Variants in CDK14 observed in about 807,000 individuals in gnomAD.
CDK14 encodes the protein cyclin-dependent kinase 14.
CDK14 carries 34 observed loss-of-function variants against 60.7 expected under a neutral mutation model. That is an observed-to-expected ratio of 0.56 (90% CI 0.43 to 0.75). CDK14 has a LOEUF of 0.75. CDK14 is among the 30% of genes least tolerant of loss of function. The probability of loss-of-function intolerance (pLI) is 0.00; values close to 1 mark genes in which losing one functional copy is unlikely to be tolerated. For synonymous variants in CDK14, 197 were observed against 203.7 expected (o/e 0.97, Z 0.28); for missense variants, 482 against 564.1 (o/e 0.85, Z 1.47).
intron 3 of CDK14, among the ~76,000 whole-genome samples, chr7:90,737,347 C>T (rs1161879349): frequency 1.3e-5 from 2 of 152,246 alleles, no homozygotes; most frequent in Non-Finnish European, 2.9e-5. Flanking sequence ...AAATTTACCT[C>T]TTTTCATCAC....
At chr7:90,778,463 C>G (rs147230341) in intron 4 of CDK14, among the ~76,000 whole-genome samples, 36 of 152,344 alleles carry the variant, frequency 2.4e-4, no homozygotes, top group African/African-American at 8.4e-4. Flanking sequence ...TCTGACTGCC[C>G]TTCCGGCTCC....
intron 8 of CDK14, among the ~76,000 whole-genome samples, chr7:90,933,279 CA>C (rs565640721): frequency 0.064 from 5,637 of 88,418 alleles, 102 homozygotes; most frequent in South Asian, 0.15. Flanking sequence ...AACCCTGTCT[CA>C]AAAAAAAAAA....
intron 3 of CDK14, among the ~76,000 whole-genome samples, chr7:90,736,570 A>G (rs1414540655): frequency 6.6e-6 from 1 of 151,930 alleles, no homozygotes; most frequent in Admixed American, 6.6e-5. Flanking sequence ...GGATGTAACA[A>G]TGACTGATAA....
At chr7:90,605,958 A>G (rs1423404782) in intron 2 of CDK14, among the ~76,000 whole-genome samples, 1 of 151,888 alleles carries the variant, frequency 6.6e-6, no homozygotes, top group African/African-American at 2.4e-5. Context: ...ACCTGTAACT[A>G]CTCCCTCTCT....
chr7:91,033,665 C>G (rs1281627170), intron 10 of CDK14, among the ~76,000 whole-genome samples: 1 of 152,142 alleles, frequency 6.6e-6, no homozygotes, highest in Non-Finnish European at 1.5e-5. Context: ...CTGTTTTTCC[C>G]TATTTTGAGG....
chr7:90,626,794 C>T (rs994923069), intron 2 of CDK14, among the ~76,000 whole-genome samples: 34 of 151,780 alleles, frequency 2.2e-4, no homozygotes, highest in African/African-American at 8.2e-4. Flanking sequence ...TAAAATTAGC[C>T]AGGTGTGATG....
At chr7:90,908,649 A>G (rs1348523779) in intron 7 of CDK14, among the ~76,000 whole-genome samples, 2 of 152,106 alleles carry the variant, frequency 1.3e-5, no homozygotes, top group Admixed American at 1.3e-4. Flanking sequence ...AGAGGGAAAT[A>G]AGTTCAAGTA....
chr7:90,712,553 T>G (rs993665210), intron 2 of CDK14, among the ~76,000 whole-genome samples: 44 of 152,198 alleles, frequency 2.9e-4, no homozygotes, highest in African/African-American at 9.9e-4. Context: ...TGAATCAAGT[T>G]CCTATATGGA....
At chr7:90,910,358 T>C (rs1172697843) in intron 7 of CDK14, among the ~76,000 whole-genome samples, 2 of 152,200 alleles carry the variant, frequency 1.3e-5, no homozygotes, top group Non-Finnish European at 2.9e-5. Context: ...CTTTTAAAAA[T>C]TGAAGACCTA....
intron 8 of CDK14, among the ~76,000 whole-genome samples, chr7:90,928,236 C>G (rs2117459280): frequency 6.6e-6 from 1 of 152,334 alleles, no homozygotes; most frequent in South Asian, 2.1e-4. Context: ...CAAAGTCATT[C>G]TCCGTCCAGC....
intron 11 of CDK14, among the ~76,000 whole-genome samples, chr7:91,064,753 C>T (rs868819558): frequency 2.0e-5 from 3 of 152,166 alleles, no homozygotes; most frequent in Non-Finnish European, 2.9e-5. Context: ...GCTCTATCTT[C>T]CCCTTTAGAG....
chr7:90,945,129 A>G (rs900047057), intron 8 of CDK14, among the ~76,000 whole-genome samples: 3 of 152,230 alleles, frequency 2.0e-5, no homozygotes, highest in African/African-American at 7.2e-5. Context: ...ATGTTCTTTT[A>G]TTCCTTGGAA....
chr7:90,985,407 C>T (rs942491602), intron 10 of CDK14, among the ~76,000 whole-genome samples: 4 of 152,190 alleles, frequency 2.6e-5, no homozygotes, highest in Non-Finnish European at 4.4e-5. Context: ...TAGGACTCTG[C>T]TTGGCATATA....
At chr7:90,799,608 T>C (rs1788557979) in intron 5 of CDK14, among the ~76,000 whole-genome samples, 1 of 147,574 alleles carries the variant, frequency 6.8e-6, no homozygotes. Context: ...GAAAATCACT[T>C]GAACCTGGGA....
chr7:90,939,893 C>T (rs940724812), intron 8 of CDK14, among the ~76,000 whole-genome samples: 8 of 152,086 alleles, frequency 5.3e-5, no homozygotes, highest in African/African-American at 1.9e-4. Flanking sequence ...TTGTTCCACC[C>T]AGTCTTTAAC....
chr7:90,723,458 C>T (rs1366970718), intron 2 of CDK14, among the ~76,000 whole-genome samples: 1 of 152,156 alleles, frequency 6.6e-6, no homozygotes, highest in Non-Finnish European at 1.5e-5. Flanking sequence ...CTCCACAGGG[C>T]TGCCTCATGG....
At chr7:91,160,556 G>T (rs142951830) in intron 14 of CDK14, among the ~76,000 whole-genome samples, 1 of 152,234 alleles carries the variant, frequency 6.6e-6, no homozygotes, top group East Asian at 1.9e-4. Flanking sequence ...GTACTGAAAT[G>T]TTCTGTTCAA....
intron 8 of CDK14, among the ~76,000 whole-genome samples, chr7:90,928,944 G>C (rs759798323): frequency 6.6e-6 from 1 of 152,318 alleles, no homozygotes; most frequent in Non-Finnish European, 1.5e-5. Context: ...CCTCAGCCTG[G>C]CTGCTGTCTT....
At chr7:90,911,890 G>T (rs1792914781) in intron 7 of CDK14, among the ~76,000 whole-genome samples, 1 of 152,138 alleles carries the variant, frequency 6.6e-6, no homozygotes, top group Non-Finnish European at 1.5e-5. Flanking sequence ...AATAGAGGAA[G>T]TGTTAAGGGA....
Sources: gnomAD v4.1 joint callset for allele counts (sites outside exome capture counted in the v4.1 genomes callset) on GRCh38, gnomAD v4.1.1 for gene constraint, MANE v1.5 for transcripts, NCBI Gene and HGNC (gene_info 2026-07-23, HGNC 2026-07-21) for gene names.